Variants in NRXN3 observed in about 807,000 individuals in gnomAD.
NRXN3 encodes neurexin III.
A neutral mutation model predicts 137.6 loss-of-function variants in NRXN3; 32 were observed. The observed-to-expected ratio is 0.23, with a 90% CI of 0.18 to 0.31. The LOEUF (loss-of-function observed/expected upper bound fraction) is 0.31. Ranked by LOEUF, NRXN3 falls within the 10% of genes least tolerant of loss-of-function variation. The probability of loss-of-function intolerance (pLI) is 1.00; values close to 1 mark genes in which losing one functional copy is unlikely to be tolerated. For synonymous variants in NRXN3, 798 were observed against 784.5 expected, an observed-to-expected ratio of 1.02 and a Z score of -0.29; for missense variants, 1,574 against 2,062.5, an observed-to-expected ratio of 0.76 and a Z score of 4.59.
At chr14:79,230,959 T>C (rs1489804368) in intron 15 of NRXN3, among the ~76,000 whole-genome samples, 1 of 152,192 alleles carries the variant, frequency 6.6e-6, no homozygotes, top group Non-Finnish European at 1.5e-5. Flanking sequence ...CAGAAGCTAT[T>C]ATGAACCACT....
At chr14:79,752,349 G>C (rs903961703) in intron 19 of NRXN3, among the ~76,000 whole-genome samples, 2 of 152,016 alleles carry the variant, frequency 1.3e-5, no homozygotes, top group African/African-American at 4.8e-5. Context: ...AAAACAGCAT[G>C]GTACTGGTAC....
At chr14:78,979,985 G>A (rs1423595344) in intron 14 of NRXN3, among the ~76,000 whole-genome samples, 2 of 152,214 alleles carry the variant, frequency 1.3e-5, no homozygotes, top group Admixed American at 6.5e-5. Flanking sequence ...TGGGGACACA[G>A]CCAACAATAT....
intron 2 of NRXN3, among the ~76,000 whole-genome samples, chr14:78,256,343 G>A (rs1381114954): frequency 2.0e-5 from 3 of 152,344 alleles, no homozygotes; most frequent in Middle Eastern, 3.4e-3. Flanking sequence ...GAAGGAATCC[G>A]AGCCACAGAG....
chr14:79,138,998 A>G lies in NRXN3; in HGVS notation c.3262+150857A>G, dbSNP rs536899166. ...TCTATGTGAGGGGTAATTTAATGAA[A>G]AATTTGCAGGTGATGCACCTGTCTT... On this transcript the variant is annotated intron_variant, in intron 15 of 20. Coordinates refer to ENST00000335750, the MANE Select transcript of NRXN3 (RefSeq NM_001330195.2). Among the ~76,000 whole-genome samples the G allele has an allele frequency of 9.9e-5, 15 of 152,264 alleles. No homozygotes were observed. The South Asian group carries it at 2.9e-3, about 29-fold the overall frequency.
intron 15 of NRXN3, among the ~76,000 whole-genome samples, chr14:79,447,696 C>T (rs934449968): frequency 2.0e-5 from 3 of 152,180 alleles, no homozygotes; most frequent in Admixed American, 2.0e-4. Context: ...CATTGGATAG[C>T]TCTAGGAAGT....
rs767340227 is a variant in NRXN3 at position 78,881,443 on chromosome 14, G to T, written c.2275+71099G>T. 2.2e-4 allele frequency among the ~76,000 whole-genome samples: 33 copies of T among 151,650 alleles called. 1 individual carries two copies. Among genetic ancestry groups the T allele is most frequent in the Admixed American group, 7.2e-4 (11 of 15,268 alleles). ...TGCTGATACTGACATGGACAATGAA[G>T]TCCAAACTGAGGTGGTCTCAGATGG... On this transcript the variant is annotated intron_variant, in intron 10 of 20. Transcript: ENST00000335750.
intron 15 of NRXN3, among the ~76,000 whole-genome samples, chr14:79,194,652 T>C (rs2064892521): frequency 6.6e-6 from 1 of 152,216 alleles, no homozygotes; most frequent in African/African-American, 2.4e-5. Flanking sequence ...GAGGTCTCAG[T>C]GTCTCTCCCT....
chr14:78,237,887 G>T (rs1352164175), intron 1 of NRXN3, among the ~76,000 whole-genome samples: 1 of 152,176 alleles, frequency 6.6e-6, no homozygotes, highest in Non-Finnish European at 1.5e-5. Flanking sequence ...AAGAAAACCT[G>T]GTAAGCCCCA....
intron 19 of NRXN3, among the ~76,000 whole-genome samples, chr14:79,762,294 A>C (rs1360247092): frequency 2.0e-5 from 3 of 151,686 alleles, no homozygotes; most frequent in African/African-American, 7.3e-5. Context: ...TGATTGAATT[A>C]GTTTTGCACA....
At chr14:79,226,629 T>C (rs901540875) in intron 15 of NRXN3, among the ~76,000 whole-genome samples, 55 of 152,238 alleles carry the variant, frequency 3.6e-4, no homozygotes, top group African/African-American at 1.2e-3. Context: ...TTCATGCCCC[T>C]TGTAAACAGC....
chr14:78,566,449 G>C (rs1026111053), intron 4 of NRXN3, among the ~76,000 whole-genome samples: 11 of 151,894 alleles, frequency 7.2e-5, no homozygotes. Flanking sequence ...AGCTGAGTAA[G>C]GGAAAGCTAA....
intron 8 of NRXN3, among the ~76,000 whole-genome samples, chr14:78,738,810 C>T (rs1273573102): frequency 6.6e-6 from 1 of 152,020 alleles, no homozygotes; most frequent in Non-Finnish European, 1.5e-5. Context: ...CACAAGCAAA[C>T]AGGAATTAGA....
At chr14:78,984,250 G>A (rs1023835210) in intron 14 of NRXN3, among the ~76,000 whole-genome samples, 2 of 152,180 alleles carry the variant, frequency 1.3e-5, no homozygotes, top group African/African-American at 4.8e-5. Flanking sequence ...TGCTAAGTAT[G>A]TGAGGTGATT....
At chr14:78,180,045 A>G (rs1223584970) in intron 1 of NRXN3, among the ~76,000 whole-genome samples, 2 of 152,042 alleles carry the variant, frequency 1.3e-5, no homozygotes, top group East Asian at 3.9e-4. Flanking sequence ...ACAGGGGTTC[A>G]CCATGTTGGC....
chr14:78,974,429 A>T (rs1441791021), intron 14 of NRXN3, among the ~76,000 whole-genome samples: 1 of 152,232 alleles, frequency 6.6e-6, no homozygotes, highest in Non-Finnish European at 1.5e-5. Context: ...ATGGCAAAAT[A>T]ATCTGAAAGT....
rs532989743 is a variant in NRXN3, at chr14:78,749,076, G to A, written c.2044+33937G>A. Among the ~76,000 whole-genome samples, 4 of 152,252 alleles carry A rather than the reference G, an allele frequency of 2.6e-5. No individual in the cohort carries two copies. The South Asian group carries it at 8.3e-4, about 32-fold the overall frequency. Reference sequence around the variant, plus strand: ...AAATAAGAGAGTCTGGCCACATTCTGATGATTTCTCTTAGAAACTTAGAGA... The same window carrying A: ...AAATAAGAGAGTCTGGCCACATTCTAATGATTTCTCTTAGAAACTTAGAGA... On this transcript the variant is annotated intron_variant, in intron 8 of 20. Transcript: ENST00000335750.
intron 15 of NRXN3, among the ~76,000 whole-genome samples, chr14:79,067,260 A>G (rs1291924958): frequency 6.6e-6 from 1 of 152,176 alleles, no homozygotes; most frequent in Non-Finnish European, 1.5e-5. Context: ...AATATGATGT[A>G]TCACATTTAT....
intron 16 of NRXN3, among the ~76,000 whole-genome samples, chr14:79,559,631 T>C (rs1234009886): frequency 6.6e-6 from 1 of 152,040 alleles, no homozygotes; most frequent in East Asian, 1.9e-4. Flanking sequence ...GACACAGAGA[T>C]GTGAAGTGAG....
intron 4 of NRXN3, among the ~76,000 whole-genome samples, chr14:78,434,286 T>C (rs1310914009): frequency 6.6e-6 from 1 of 152,132 alleles, no homozygotes; most frequent in Non-Finnish European, 1.5e-5. Context: ...TGATTCCTTC[T>C]GAGGGTTGTG....
Sources: gnomAD v4.1 joint callset for allele counts (sites outside exome capture counted in the v4.1 genomes callset) on GRCh38, gnomAD v4.1.1 for gene constraint, MANE v1.5 for transcripts, NCBI Gene and HGNC (gene_info 2026-07-23, HGNC 2026-07-21) for gene names.